The following BLM variants were observed in gnomAD, a reference collection of about 807,000 sequenced individuals.
BLM encodes recQ-like DNA helicase BLM.
In BLM, 95 loss-of-function variants were observed where a neutral mutation model predicts 135.3. That is an observed-to-expected ratio of 0.70 (90% CI 0.59 to 0.83). The LOEUF is 0.83. BLM is among the 40% of genes least tolerant of loss of function. The pLI, the probability that BLM is intolerant of heterozygous loss-of-function variation, is 0.00. For synonymous variants in BLM, 520 were observed against 589.2 expected, an observed-to-expected ratio of 0.88 and a Z score of 1.70; for missense variants, 1,518 against 1,663.9, an observed-to-expected ratio of 0.91 and a Z score of 1.53.
chr15:90,736,755 C>CATAT (rs4009647), intron 1 of BLM, among the ~76,000 whole-genome samples: 3 of 151,822 alleles, frequency 2.0e-5, no homozygotes, highest in African/African-American at 7.3e-5. Flanking sequence ...TGATTTCTAA[C>CATAT]ATGAATGGAA....
At chr15:90,797,401 C>T (rs939863028) in intron 16 of BLM, among the ~76,000 whole-genome samples, 11 of 113,916 alleles carry the variant, frequency 9.7e-5, no homozygotes, top group South Asian at 5.1e-4. Context: ...GGGCGACGAG[C>T]GAAACTCCAT....
chr15:90,722,566 C>A (rs1255278477), intron 1 of BLM, among the ~76,000 whole-genome samples: 2 of 151,852 alleles, frequency 1.3e-5, no homozygotes, highest in African/African-American at 4.8e-5. Context: ...GCACTCCAGC[C>A]TGGGCAACAG....
At chr15:90,766,821 C>A in intron 9 of BLM, 89 bp from the exon 10 acceptor site, 1 of 817,484 alleles carries the variant, frequency 1.2e-6, no homozygotes, top group Non-Finnish European at 2.0e-6. Flanking sequence ...TGATATGTGA[C>A]TAATAAAATA....
In BLM at chr15:90,785,426, C is replaced by T. The variant is rs116198361; in HGVS notation, c.2823+345C>T. 2.1e-3 allele frequency among the ~76,000 whole-genome samples: 319 copies of T among 152,234 alleles called. 1 individual carries two copies. Among genetic ancestry groups the T allele is most frequent in the African/African-American group, 7.4e-3 (308 of 41,556 alleles). The stretch of plus-strand genomic sequence containing the variant: ...CCTCATACCCAGTCACTTCCCCCAC[C>T]CCCTAATGCCTGGAAACCACAAATC... On this transcript the variant is annotated intron_variant, in intron 14 of 21. Transcript: ENST00000355112.
At chr15:90,781,503 G>A (rs1896615820) in intron 12 of BLM, among the ~76,000 whole-genome samples, 1 of 152,144 alleles carries the variant, frequency 6.6e-6, no homozygotes, top group Non-Finnish European at 1.5e-5. Context: ...GCGGGCACCT[G>A]TAATTCCAGC....
intron 21 of BLM, among the ~76,000 whole-genome samples, chr15:90,813,712 T>C (rs1897481822): frequency 1.3e-5 from 2 of 152,204 alleles, no homozygotes; most frequent in Non-Finnish European, 2.9e-5. Context: ...TTTTAAGCCC[T>C]ACCAGCTAAA....
rs189445200 is a variant in BLM at position 90,722,118 on chromosome 15, C to T, written c.-5+4678C>T. ...TGGCCAACAGGGTGAAACCCCATCT[C>T]TTTTTTTTTGAGACAGAGTCTCACT... On this transcript the variant is annotated intron_variant, in intron 1 of 21. Coordinates refer to ENST00000355112, the MANE Select transcript of BLM (RefSeq NM_000057.4). 5.2e-3 allele frequency among the ~76,000 whole-genome samples: 789 copies of T among 150,646 alleles called. 9 individuals carry two copies. The highest frequency in any genetic ancestry group is 0.018 in the African/African-American group (746 of 41,166).
At chr15:90,803,163 TAAAA>T (rs71463769) in intron 17 of BLM, among the ~76,000 whole-genome samples, 3 of 133,928 alleles carry the variant, frequency 2.2e-5, no homozygotes, top group Non-Finnish European at 4.8e-5. Flanking sequence ...ACCCTGTCTC[TAAAA>T]AAAAAAAAAA....
intron 1 of BLM, among the ~76,000 whole-genome samples, chr15:90,746,431 G>A (rs1895504083): frequency 1.3e-5 from 2 of 152,180 alleles, no homozygotes; most frequent in South Asian, 2.1e-4. Context: ...GACAAAAGCT[G>A]TATTATGATC....
chr15:90,786,824 A>G (rs1206423327), intron 14 of BLM, among the ~76,000 whole-genome samples: 3 of 151,990 alleles, frequency 2.0e-5, no homozygotes, highest in African/African-American at 7.2e-5. Flanking sequence ...CATATTGGCC[A>G]GGCTGGTCGT....
At chr15:90,719,805 C>T (rs1894718612) in intron 1 of BLM, among the ~76,000 whole-genome samples, 1 of 151,760 alleles carries the variant, frequency 6.6e-6, no homozygotes, top group African/African-American at 2.4e-5. Context: ...TAAAGAGGTC[C>T]AAGATAATCG....
In BLM at chr15:90,769,070, A is replaced by G. The variant is rs1410657688; in HGVS notation, c.2308-63A>G. ...GCTTAAGTTGTGATGGAATTTGAAG[A>G]CCACAGAATCATGAGGTGATGTGTT... On this transcript the variant is annotated intron_variant, in intron 10 of 21. Transcript: ENST00000355112. 4 of 1,319,274 alleles carry G rather than the reference A, an allele frequency of 3.0e-6. No homozygotes were observed. The African/African-American group carries it at 5.8e-5, about 19-fold the overall frequency. The allele number at this position is 1,319,274 out of a possible 1,614,324, so 81.7% of individuals were successfully genotyped here.
intron 17 of BLM, among the ~76,000 whole-genome samples, chr15:90,802,663 C>G (rs538892392): frequency 2.6e-5 from 4 of 152,262 alleles, no homozygotes; most frequent in African/African-American, 9.6e-5. Context: ...TTGTTTGTAG[C>G]CAGGCTCAGT....
intron 1 of BLM, among the ~76,000 whole-genome samples, chr15:90,746,702 A>AT (rs1242169487): frequency 2.0e-5 from 3 of 152,178 alleles, no homozygotes; most frequent in Admixed American, 6.5e-5. Flanking sequence ...TAAAGTGAGG[A>AT]TTTTTTTAAC....
At chr15:90,796,281 G>T (rs1190975703) in intron 16 of BLM, among the ~76,000 whole-genome samples, 1 of 152,194 alleles carries the variant, frequency 6.6e-6, no homozygotes, top group African/African-American at 2.4e-5. Context: ...ACAGACTGGT[G>T]GCACATGGGT....
Position 90,798,176 on chromosome 15 carries a change from C to G in BLM, c.3211-14C>G, listed in dbSNP as rs756488961. On this transcript the variant is annotated splice_polypyrimidine_tract_variant and intron_variant, in intron 16 of 21. Coordinates refer to ENST00000355112, the MANE Select transcript of BLM (RefSeq NM_000057.4). The stretch of plus-strand genomic sequence containing the variant: ...CCTTAATTATAGCAGAAAGTATTCT[C>G]TTTTTATTCATAGGATTATAAAACA... The G allele has an allele frequency of 1.8e-5, 28 of 1,590,172 alleles. No homozygotes were observed. The highest frequency in any genetic ancestry group is 3.4e-5 in the Admixed American group (2 of 59,458).
chr15:90,720,688 C>G (rs912552180), intron 1 of BLM, among the ~76,000 whole-genome samples: 4 of 151,460 alleles, frequency 2.6e-5, no homozygotes, highest in Non-Finnish European at 5.9e-5. Context: ...CTCAAGTGAT[C>G]CTCCCACCTC....
rs546261828 is a variant in BLM, at chr15:90,730,919, A to G, written c.-5+13479A>G. Among the ~76,000 whole-genome samples the G allele has an allele frequency of 7.2e-5, 11 of 151,796 alleles. No individual in the cohort carries two copies. In the East Asian group the frequency reaches 1.9e-3, roughly 27 times the overall value. The stretch of plus-strand genomic sequence containing the variant: ...TTCTGAGTCATTTTTTAGACAACAC[A>G]ACTTGGTCTCGGTATTTTTTATTTT... On this transcript the variant is annotated intron_variant, in intron 1 of 21. Coordinates refer to ENST00000355112, the MANE Select transcript of BLM (RefSeq NM_000057.4).
At chr15:90,766,852 A>G in intron 9 of BLM, 58 bp from the exon 10 acceptor site, 1 of 1,101,270 alleles carries the variant, frequency 9.1e-7, no homozygotes, top group Non-Finnish European at 1.4e-6. Context: ...CTAAGGACAA[A>G]TGTAATTTTG....
Sources: allele counts gnomAD v4.1 joint callset (sites outside exome capture counted in the v4.1 genomes callset), GRCh38; gene constraint gnomAD v4.1.1; transcripts MANE v1.5; gene names NCBI Gene and HGNC (gene_info 2026-07-23, HGNC 2026-07-21).